The following RAB38 variants were observed in gnomAD, a reference collection of about 807,000 sequenced individuals.
The protein encoded by RAB38 is RAB38, member RAS oncogene family.
A neutral mutation model predicts 18.4 loss-of-function variants in RAB38; 15 were observed. That is an observed-to-expected ratio of 0.82 (90% CI 0.55 to 1.26). The LOEUF (loss-of-function observed/expected upper bound fraction) is 1.26, where lower values mean the gene tolerates loss of function less well. Ranked by LOEUF, RAB38 falls within the 50% of genes most tolerant of loss-of-function variation. RAB38 has a pLI of 0.00. For missense variants in RAB38, 294 were observed against 267.4 expected, an observed-to-expected ratio of 1.10 and a Z score of -0.69; for synonymous variants, 101 against 104.4, an observed-to-expected ratio of 0.97 and a Z score of 0.20.
chr11:88,024,256 T>C, the RAB38 span, among the ~76,000 whole-genome samples: 4 of 152,220 alleles, frequency 2.6e-5, no homozygotes, highest in African/African-American at 7.2e-5. Context: ...AAAGAAGATA[T>C]ACAAATGGTA....
the RAB38 span, chr11:87,879,419 T>C: frequency 6.6e-6 from 1 of 151,558 alleles, no homozygotes; most frequent in Non-Finnish European, 1.5e-5. Context: ...CTTTTTTTTT[T>C]CAGTTGGGAC....
chr11:87,886,174 G>A, the RAB38 span, among the ~76,000 whole-genome samples: 3 of 151,882 alleles, frequency 2.0e-5, no homozygotes, highest in Admixed American at 2.0e-4. Flanking sequence ...CTCCACACTC[G>A]CGGTGGCCCT....
At chr11:88,147,516 G>C (rs1319592313) in intron 2 of RAB38, among the ~76,000 whole-genome samples, 1 of 151,336 alleles carries the variant, frequency 6.6e-6, no homozygotes, top group Non-Finnish European at 1.5e-5. Context: ...GAGTGAAATT[G>C]AGTGTGGCGC....
the RAB38 span, among the ~76,000 whole-genome samples, chr11:88,010,496 G>A: frequency 7.2e-5 from 11 of 152,118 alleles, no homozygotes; most frequent in African/African-American, 2.7e-4. Context: ...TTACTGTATT[G>A]ATATGAATTC....
the RAB38 span, among the ~76,000 whole-genome samples, chr11:88,022,355 T>C: frequency 6.6e-6 from 1 of 151,704 alleles, no homozygotes; most frequent in East Asian, 1.9e-4. Context: ...TATCTGAATG[T>C]AATAAAAGCT....
chr11:87,930,091 G>T, the RAB38 span, among the ~76,000 whole-genome samples: 6 of 152,132 alleles, frequency 3.9e-5, no homozygotes, highest in Middle Eastern at 3.4e-3. Flanking sequence ...GTAATGGGAT[G>T]GCTGGGTCAA....
the RAB38 span, among the ~76,000 whole-genome samples, chr11:88,006,750 C>T: frequency 1.3e-5 from 2 of 151,136 alleles, no homozygotes. Flanking sequence ...AACCCAGTCA[C>T]AGAAAGACAA....
chr11:88,004,310 T>G, the RAB38 span, among the ~76,000 whole-genome samples: 1 of 151,060 alleles, frequency 6.6e-6, no homozygotes, highest in African/African-American at 2.4e-5. Flanking sequence ...AGATTTGTCC[T>G]ACGAATGCAA....
chr11:88,007,236 G>A, the RAB38 span, among the ~76,000 whole-genome samples: 30 of 151,804 alleles, frequency 2.0e-4, no homozygotes, highest in Middle Eastern at 3.4e-3. Flanking sequence ...TACAATTTGG[G>A]TGCAAAGATT....
chr11:87,816,102 TA>T, the RAB38 span: 1 of 152,294 alleles, frequency 6.6e-6, no homozygotes, highest in African/African-American at 2.4e-5. Flanking sequence ...GGAAGATCAA[TA>T]AATGAGTAGT....
the RAB38 span, among the ~76,000 whole-genome samples, chr11:87,822,798 T>C: frequency 1.3e-5 from 2 of 152,278 alleles, no homozygotes; most frequent in Non-Finnish European, 2.9e-5. Context: ...CAGAGATCAT[T>C]GGAGGTTGCC....
At chr11:87,807,377 T>G in the RAB38 span, among the ~76,000 whole-genome samples, 9 of 152,192 alleles carry the variant, frequency 5.9e-5, no homozygotes, top group Non-Finnish European at 1.2e-4. Flanking sequence ...AGTCCCAGAT[T>G]AAAGTGGATT....
the RAB38 span, among the ~76,000 whole-genome samples, chr11:87,977,836 C>T: frequency 0.99 from 96,431 of 96,966 alleles, 47,948 homozygotes; most frequent in Middle Eastern, 1. Context: ...CCTATATAAT[C>T]ATGTATATTA....
the RAB38 span, among the ~76,000 whole-genome samples, chr11:87,900,815 AAAGGAAAGAAATG>A: frequency 6.6e-6 from 1 of 151,346 alleles, no homozygotes; most frequent in Non-Finnish European, 1.5e-5. Context: ...ATAAAGCAAA[AAAGGAAAGAAATG>A]AAGGAAGGAA....
chr11:88,155,512 A>G (rs758160444), intron 1 of RAB38, among the ~76,000 whole-genome samples: 16 of 152,344 alleles, frequency 1.1e-4, no homozygotes, highest in Non-Finnish European at 2.1e-4. Context: ...CAATAGTATG[A>G]TAGAGAAATA....
the RAB38 span, among the ~76,000 whole-genome samples, chr11:88,047,130 T>A: frequency 6.6e-6 from 1 of 152,122 alleles, no homozygotes; most frequent in South Asian, 2.1e-4. Flanking sequence ...ACTTCCAAAA[T>A]CTATTTTCTT....
chr11:88,146,770 T>G (rs1037567513), intron 2 of RAB38, among the ~76,000 whole-genome samples: 1 of 152,202 alleles, frequency 6.6e-6, no homozygotes, highest in Admixed American at 6.5e-5. Context: ...ACAACCTCAA[T>G]AGCATTAGGT....
the RAB38 span, among the ~76,000 whole-genome samples, chr11:88,101,195 T>C: frequency 6.6e-6 from 1 of 152,004 alleles, no homozygotes; most frequent in South Asian, 2.1e-4. Flanking sequence ...TCTTTGGATA[T>C]TTTTAAACAT....
the RAB38 span, among the ~76,000 whole-genome samples, chr11:88,027,163 T>C: frequency 3.8e-3 from 580 of 152,306 alleles, 2 homozygotes; most frequent in African/African-American, 0.013. Flanking sequence ...TTTTCTGAGT[T>C]TTTTTTAAAT....
Sources: gnomAD v4.1 joint callset for allele counts (sites outside exome capture counted in the v4.1 genomes callset) on GRCh38, gnomAD v4.1.1 for gene constraint, MANE v1.5 for transcripts, NCBI Gene and HGNC (gene_info 2026-07-23, HGNC 2026-07-21) for gene names.